CAPN11: variants seen among roughly 807,000 people sequenced by gnomAD.
The protein encoded by CAPN11 is calpain 11.
Under a neutral mutation model 105.3 loss-of-function variants are expected in CAPN11, and 108 were observed. The ratio of observed to expected loss-of-function variants is 1.03; its 90% confidence interval spans 0.88 to 1.20. CAPN11 has a LOEUF of 1.20. CAPN11 is among the 50% of genes most tolerant of loss of function. The pLI, the probability that CAPN11 is intolerant of heterozygous loss-of-function variation, is 0.00. For missense variants in CAPN11, 883 were observed against 924.8 expected, an observed-to-expected ratio of 0.95 and a Z score of 0.59; for synonymous variants, 329 against 344.5, an observed-to-expected ratio of 0.96 and a Z score of 0.50.
At chr6:44,177,688 T>C (rs1358406928) in intron 12 of CAPN11, 1 of 381,538 alleles carries the variant, frequency 2.6e-6, no homozygotes. Context: ...GGTTTCACCA[T>C]GTTGGCTAGG....
At position 44,177,011 on chromosome 6, in the gene CAPN11, TGA is replaced by T; in HGVS notation, c.1237+17_1237+18del. 1 of 1,602,606 alleles carries T rather than the reference TGA, an allele frequency of 6.2e-7. No individual in the cohort carries two copies. Among genetic ancestry groups the T allele is most frequent in the Non-Finnish European group, 8.5e-7 (1 of 1,174,714 alleles). ...AGGAACCACCCTGGTGGGTGAGGGG[TGA>T]GAGGGGAGGGGGTGTGCAGGGAGTG... On this transcript the variant is annotated intron_variant, in intron 11 of 22. Transcript: ENST00000398776.
chr6:44,166,889 C>G, intron 2 of CAPN11, 60 bp downstream of exon 2: 1 of 1,181,854 alleles, frequency 8.5e-7, no homozygotes, highest in Non-Finnish European at 1.2e-6. Flanking sequence ...CTCCTTCACT[C>G]TCTTCTCTTC....
rs746475353 is a variant in CAPN11 at position 44,183,768 on chromosome 6, T to C, written c.2193+5T>C. 4 of 1,613,494 alleles carry C rather than the reference T, an allele frequency of 2.5e-6. No homozygotes were observed. The highest frequency in any genetic ancestry group is 3.4e-6 in the Non-Finnish European group (4 of 1,179,626). ...ATTTGCTTGAGCCTGGAACAGGTACTTGGAGAAGGGTGGGAAGGAATCTGC... is the reference window on the plus strand; with the variant it reads ...ATTTGCTTGAGCCTGGAACAGGTACCTGGAGAAGGGTGGGAAGGAATCTGC... On this transcript the variant is annotated splice_donor_5th_base_variant and intron_variant, in intron 22 of 22. Coordinates refer to ENST00000398776, the MANE Select transcript of CAPN11 (RefSeq NM_007058.4).
intron 1 of CAPN11, among the ~76,000 whole-genome samples, chr6:44,163,435 A>G (rs1769265999): frequency 6.6e-6 from 1 of 152,206 alleles, no homozygotes; most frequent in Non-Finnish European, 1.5e-5. Flanking sequence ...CCTCTCCAGC[A>G]CAGCCATGGC....
At chr6:44,178,239 C>A (rs780469056) in intron 12 of CAPN11, among the ~76,000 whole-genome samples, 1 of 152,000 alleles carries the variant, frequency 6.6e-6, no homozygotes, top group Non-Finnish European at 1.5e-5. Flanking sequence ...AGTCACTTGC[C>A]CAAGCTCACA....
At chr6:44,163,981 G>A (rs533063279) in intron 1 of CAPN11, among the ~76,000 whole-genome samples, 3 of 152,222 alleles carry the variant, frequency 2.0e-5, no homozygotes, top group Admixed American at 2.0e-4. Flanking sequence ...GGGACCACAG[G>A]CACATGCTAC....
rs1297006895 is a variant in CAPN11, at chr6:44,184,329, C to A, written c.*397C>A. 1 of 238,164 alleles carries A rather than the reference C, an allele frequency of 4.2e-6. No individual in the cohort carries two copies. Among genetic ancestry groups the A allele is most frequent in the East Asian group, 8.9e-5 (1 of 11,218 alleles). 14.8% of individuals were successfully genotyped at this position (238,164 alleles called of 1,614,324 possible). ...CCTGCTCACACCTACCTGCTGACCACCCATCCTGGCACAGCCTCTGTTTTC... is the reference window on the plus strand; with the variant it reads ...CCTGCTCACACCTACCTGCTGACCAACCATCCTGGCACAGCCTCTGTTTTC... On this transcript the variant is annotated 3_prime_UTR_variant, in exon 23 of 23. Coordinates refer to ENST00000398776, the MANE Select transcript of CAPN11 (RefSeq NM_007058.4).
rs200571987 is a variant in CAPN11 at position 44,176,934 on chromosome 6, C to T, written c.1173C>T (p.His391=). 5 of 1,613,958 alleles carry T rather than the reference C, an allele frequency of 3.1e-6. No individual in the cohort carries two copies. The highest frequency in any genetic ancestry group is 1.1e-5 in the South Asian group (1 of 91,082). Residue 391 remains histidine, a synonymous_variant, in exon 11 of 23, where the codon CAC becomes CAT. Transcript: ENST00000398776. ...CTGGGGACTACAAGAGCTACTGGCA[C>T]ACCACCTTCTACGAGGGCAGCTGGC... ...TLSGDYKSYW[H]TTFYEGSWRR...
At chr6:44,159,392 G>C (rs1372457622) in intron 1 of CAPN11, among the ~76,000 whole-genome samples, 1 of 151,948 alleles carries the variant, frequency 6.6e-6, no homozygotes, top group African/African-American at 2.4e-5. Flanking sequence ...GGGAGAGTGG[G>C]CTGGGGGGAA....
intron 1 of CAPN11, chr6:44,161,991 A>G: frequency 2.3e-6 from 1 of 436,924 alleles, no homozygotes; most frequent in Non-Finnish European, 4.7e-6. Flanking sequence ...ACTTTCCTCT[A>G]CACTGAGGGG....
At chr6:44,165,169 G>T (rs931469341) in intron 1 of CAPN11, among the ~76,000 whole-genome samples, 1 of 152,206 alleles carries the variant, frequency 6.6e-6, no homozygotes, top group African/African-American at 2.4e-5. Flanking sequence ...GATTACAGAG[G>T]TGAGCCACCA....
chr6:44,165,020 C>CT (rs1215733804), intron 1 of CAPN11, among the ~76,000 whole-genome samples: 2 of 152,164 alleles, frequency 1.3e-5, no homozygotes, highest in Non-Finnish European at 2.9e-5. Context: ...ACAGGAGTAG[C>CT]TGGGACCACA....
intron 7 of CAPN11, among the ~76,000 whole-genome samples, chr6:44,175,338 G>A (rs1351208225): frequency 6.6e-6 from 1 of 151,956 alleles, no homozygotes; most frequent in Admixed American, 6.6e-5. Context: ...AAATTAGCTG[G>A]GCATGGTGGC....
chr6:44,183,765 T>C lies in CAPN11; in HGVS notation c.2193+2T>C, dbSNP rs1561857234. ...CATATTTGCTTGAGCCTGGAACAGG[T>C]ACTTGGAGAAGGGTGGGAAGGAATC... On this transcript the variant is annotated splice_donor_variant, in intron 22 of 22. Transcript: ENST00000398776. LOFTEE classifies it high-confidence loss of function. 1 of 1,613,574 alleles carries C rather than the reference T, an allele frequency of 6.2e-7. No individual in the cohort carries two copies. The highest frequency in any genetic ancestry group is 8.5e-7 in the Non-Finnish European group (1 of 1,179,684).
chr6:44,178,401 AG>A lies in CAPN11; in HGVS notation c.1416+982del, dbSNP rs754806220. On this transcript the variant is annotated intron_variant, in intron 12 of 22. Coordinates refer to ENST00000398776, the MANE Select transcript of CAPN11 (RefSeq NM_007058.4). Reference sequence around the variant, plus strand: ...AGAAAGCCCTGATAAGCATTTCCCAAGCCAAACCATGCTTTGCAAAATTCTC... The same window carrying A: ...AGAAAGCCCTGATAAGCATTTCCCAACCAAACCATGCTTTGCAAAATTCTC... Among the ~76,000 whole-genome samples, 78 of 152,290 alleles carry A rather than the reference AG, an allele frequency of 5.1e-4. 1 individual carries two copies. Among genetic ancestry groups the A allele is most frequent in the Non-Finnish European group, 2.2e-4 (15 of 68,024 alleles).
chr6:44,179,469 C>G, intron 12 of CAPN11, 150 bp from the exon 13 acceptor site: 1 of 726,042 alleles, frequency 1.4e-6, no homozygotes, highest in East Asian at 2.5e-5. Context: ...AGCCCGTGCC[C>G]CACTCCACCA....
intron 14 of CAPN11, 48 bp from the exon 15 acceptor site, chr6:44,180,412 C>A: frequency 6.2e-7 from 1 of 1,600,040 alleles, no homozygotes; most frequent in Non-Finnish European, 8.6e-7. Context: ...CTAAAACCCC[C>A]ACCTCCCTCC....
intron 1 of CAPN11, among the ~76,000 whole-genome samples, chr6:44,159,466 T>C (rs957017488): frequency 1.3e-5 from 2 of 151,990 alleles, no homozygotes; most frequent in African/African-American, 4.8e-5. Context: ...GCAGCCAGCC[T>C]TGGCCAGCAG....
chr6:44,183,803 C>A (rs1185570183), intron 22 of CAPN11, 40 bp downstream of exon 22: 2 of 1,602,830 alleles, frequency 1.2e-6, no homozygotes, highest in South Asian at 2.2e-5. Context: ...CAGGATTGCA[C>A]CTGCCTGCCC....
Sources: allele counts gnomAD v4.1 joint callset (sites outside exome capture counted in the v4.1 genomes callset), GRCh38; gene constraint gnomAD v4.1.1; transcripts MANE v1.5; gene names NCBI Gene and HGNC (gene_info 2026-07-23, HGNC 2026-07-21).